The following SCAPER variants were observed in gnomAD, a reference collection of about 807,000 sequenced individuals.
The protein encoded by SCAPER is S phase cyclin A-associated protein in the endoplasmic reticulum.
A neutral mutation model predicts 182.2 loss-of-function variants in SCAPER; 98 were observed. The ratio of observed to expected loss-of-function variants is 0.54; its 90% CI spans 0.46 to 0.64. The LOEUF is 0.64. Ranked by LOEUF, SCAPER falls within the 30% of genes least tolerant of loss-of-function variation. The probability of loss-of-function intolerance (pLI) is 0.00; values close to 1 mark genes in which losing one functional copy is unlikely to be tolerated. For synonymous variants in SCAPER, 605 were observed against 564.6 expected (o/e 1.07, Z -1.01); for missense variants, 1,432 against 1,690.0 (o/e 0.85, Z 2.68).
chr15:76,428,984 T>TGAGG (rs1195512329), intron 26 of SCAPER, among the ~76,000 whole-genome samples: 1 of 150,214 alleles, frequency 6.7e-6, no homozygotes, highest in Non-Finnish European at 1.5e-5. Context: ...TCCCATGTAT[T>TGAGG]GAGGGAGGGA....
At chr15:76,518,958 C>A (rs2042645721) in intron 23 of SCAPER, among the ~76,000 whole-genome samples, 1 of 152,204 alleles carries the variant, frequency 6.6e-6, no homozygotes, top group African/African-American at 2.4e-5. Context: ...TGAATTCTAA[C>A]TTTAGAGCTA....
chr15:76,524,391 C>A (rs2043032700), intron 23 of SCAPER, among the ~76,000 whole-genome samples: 1 of 151,926 alleles, frequency 6.6e-6, no homozygotes, highest in Non-Finnish European at 1.5e-5. Context: ...AAAGTGCAGA[C>A]AAAGTGTTTC....
chr15:76,881,299 T>C (rs1410189972), intron 2 of SCAPER, among the ~76,000 whole-genome samples: 1 of 152,230 alleles, frequency 6.6e-6, no homozygotes, highest in Non-Finnish European at 1.5e-5. Flanking sequence ...TTTCGCCATG[T>C]TGGCCAAGCT....
At chr15:76,542,052 A>C (rs183733036) in intron 23 of SCAPER, among the ~76,000 whole-genome samples, 6 of 152,346 alleles carry the variant, frequency 3.9e-5, no homozygotes, top group Admixed American at 1.3e-4. Flanking sequence ...TTCTAAAAGG[A>C]GAAGCATTGA....
At chr15:76,692,445 T>C (rs1201704794) in intron 20 of SCAPER, among the ~76,000 whole-genome samples, 1 of 152,032 alleles carries the variant, frequency 6.6e-6, no homozygotes, top group Non-Finnish European at 1.5e-5. Flanking sequence ...TCCCAGTACT[T>C]TGGGAGGCTG....
At chr15:76,588,582 G>A (rs1049737725) in intron 22 of SCAPER, among the ~76,000 whole-genome samples, 1 of 152,120 alleles carries the variant, frequency 6.6e-6, no homozygotes, top group African/African-American at 2.4e-5. Context: ...GAGCATTTAG[G>A]CCATTTACAT....
At chr15:76,535,345 G>A (rs1176628938) in intron 23 of SCAPER, among the ~76,000 whole-genome samples, 2 of 151,096 alleles carry the variant, frequency 1.3e-5, no homozygotes, top group East Asian at 2.0e-4. Context: ...AACACGGTGA[G>A]ACCCTGTCTC....
intron 14 of SCAPER, among the ~76,000 whole-genome samples, chr15:76,758,755 T>G (rs1284492413): frequency 6.6e-6 from 1 of 152,208 alleles, no homozygotes; most frequent in African/African-American, 2.4e-5. Context: ...GCTTTAAATT[T>G]TCTTTCATAA....
At chr15:76,777,475 G>A (rs536047083) in intron 8 of SCAPER, among the ~76,000 whole-genome samples, 8 of 151,976 alleles carry the variant, frequency 5.3e-5, no homozygotes, top group Admixed American at 1.3e-4. Flanking sequence ...AAGGGGGGTG[G>A]ATCACCTGAG....
chr15:76,724,924 C>T (rs981080298), intron 17 of SCAPER, among the ~76,000 whole-genome samples: 8 of 152,218 alleles, frequency 5.3e-5, no homozygotes, highest in South Asian at 4.1e-4. Flanking sequence ...CTTCTCTCAA[C>T]GCGTCAAAGT....
At chr15:76,430,444 A>C (rs1050729457) in intron 26 of SCAPER, among the ~76,000 whole-genome samples, 1 of 152,228 alleles carries the variant, frequency 6.6e-6, no homozygotes, top group East Asian at 1.9e-4. Flanking sequence ...TATACCCTAC[A>C]AAGTCACACA....
At chr15:76,874,071 T>C (rs1389509994) in intron 2 of SCAPER, among the ~76,000 whole-genome samples, 1 of 152,098 alleles carries the variant, frequency 6.6e-6, no homozygotes, top group Non-Finnish European at 1.5e-5. Context: ...TTACTGTATT[T>C]TTAGTAGAGA....
At chr15:76,364,609 T>C (rs1324295983) in intron 29 of SCAPER, among the ~76,000 whole-genome samples, 1 of 152,128 alleles carries the variant, frequency 6.6e-6, no homozygotes, top group Non-Finnish European at 1.5e-5. Context: ...TTGGTACCAG[T>C]AGCAGAGGAA....
intron 20 of SCAPER, among the ~76,000 whole-genome samples, chr15:76,666,421 C>T (rs969972164): frequency 1.3e-5 from 2 of 152,110 alleles, no homozygotes; most frequent in Admixed American, 1.3e-4. Context: ...CCTCCTTATC[C>T]ATCTTAGATT....
chr15:76,839,491 A>G (rs1052604399), intron 5 of SCAPER, among the ~76,000 whole-genome samples: 3 of 152,230 alleles, frequency 2.0e-5, no homozygotes, highest in African/African-American at 7.2e-5. Flanking sequence ...ATGTGCTTAG[A>G]CCAAACGTTA....
At chr15:76,789,773 A>G (rs145143009) in intron 8 of SCAPER, among the ~76,000 whole-genome samples, 12 of 152,330 alleles carry the variant, frequency 7.9e-5, no homozygotes, top group Admixed American at 4.6e-4. Flanking sequence ...TAGTTTTTAC[A>G]CTTGTACAAT....
At chr15:76,742,263 A>G (rs1365726487) in intron 15 of SCAPER, among the ~76,000 whole-genome samples, 4 of 151,914 alleles carry the variant, frequency 2.6e-5, no homozygotes, top group Admixed American at 2.6e-4. Flanking sequence ...AGCTCAGGCC[A>G]CTATTTCTCA....
intron 21 of SCAPER, among the ~76,000 whole-genome samples, chr15:76,665,283 T>G (rs1019245421): frequency 6.6e-6 from 1 of 152,212 alleles, no homozygotes; most frequent in Non-Finnish European, 1.5e-5. Flanking sequence ...CTACAGCCAG[T>G]AGACTTCTAT....
intron 17 of SCAPER, among the ~76,000 whole-genome samples, chr15:76,727,891 T>C (rs1002322924): frequency 6.6e-6 from 1 of 151,824 alleles, no homozygotes; most frequent in African/African-American, 2.4e-5. Flanking sequence ...GAACAAAAAT[T>C]TGAATAGGCA....
Sources: gnomAD v4.1 joint callset for allele counts (sites outside exome capture counted in the v4.1 genomes callset) on GRCh38, gnomAD v4.1.1 for gene constraint, MANE v1.5 for transcripts, NCBI Gene and HGNC (gene_info 2026-07-23, HGNC 2026-07-21) for gene names.